CARD9: variants seen among roughly 807,000 people sequenced by gnomAD.
CARD9 encodes caspase recruitment domain family member 9.
Under a neutral mutation model 66.0 loss-of-function variants are expected in CARD9, and 53 were observed. The ratio of observed to expected loss-of-function variants is 0.80; its 90% CI spans 0.64 to 1.01. The LOEUF is 1.01. Ranked by LOEUF, CARD9 falls within the 50% of genes least tolerant of loss-of-function variation. The pLI is 0.00. For missense variants in CARD9, 769 were observed against 743.2 expected (o/e 1.03, Z -0.40); for synonymous variants, 387 against 313.8 (o/e 1.23, Z -2.47).
In CARD9 at chr9:136,372,026, C is replaced by T. The variant is rs372586424; in HGVS notation, c.53G>A (p.Arg18Gln). 2.5e-6 allele frequency: 4 copies of T among 1,612,822 alleles called. No individual in the cohort carries two copies. The highest frequency in any genetic ancestry group is 3.4e-6 in the Non-Finnish European group (4 of 1,179,968). The change falls in exon 2 of 13, where the codon CGG becomes CAG. Residue 18 changes from arginine to glutamine, a missense_variant. Physicochemically the swap from Arg to Gln is conservative, Grantham distance 43 (BLOSUM62 1). Coordinates refer to ENST00000371732, the MANE Select transcript of CARD9 (RefSeq NM_052813.5). ...GTCGATGACCGAGGTGAGCGTCACCCGGAAGCCCTCCAGGACGCTCCAGCA... is the reference window on the plus strand; with the variant it reads ...GTCGATGACCGAGGTGAGCGTCACCTGGAAGCCCTCCAGGACGCTCCAGCA... Reference protein sequence around the residue: ...DECWSVLEGFRVTLTSVIDPS... With the variant: ...DECWSVLEGFQVTLTSVIDPS...
In CARD9 at chr9:136,363,999, A is replaced by T; in HGVS notation, c.*303T>A. 1 of 1,275,602 alleles carries T rather than the reference A, an allele frequency of 7.8e-7. No homozygotes were observed. Among genetic ancestry groups the T allele is most frequent in the Non-Finnish European group, 1.1e-6 (1 of 897,088 alleles). 79.0% of individuals were successfully genotyped at this position (1,275,602 alleles called of 1,614,324 possible). On this transcript the variant is annotated 3_prime_UTR_variant, in exon 13 of 13. Coordinates refer to ENST00000371732, the MANE Select transcript of CARD9 (RefSeq NM_052813.5). ...TTTATTTACGCAGCTGTGTTTTCTA[A>T]CACTAATACAATGCATGCATGTATT...
At chr9:136,370,034 A>G in intron 6 of CARD9, 159 bp from the exon 7 acceptor site, 1 of 1,447,448 alleles carries the variant, frequency 6.9e-7, no homozygotes, top group Non-Finnish European at 9.2e-7. Context: ...CTGCACTTCC[A>G]GACCGCGGCA....
chr9:136,371,264 C>A, intron 3 of CARD9, 60 bp downstream of exon 3: 9 of 1,574,682 alleles, frequency 5.7e-6, no homozygotes, highest in Non-Finnish European at 7.8e-6. Flanking sequence ...GAGGACCCAA[C>A]ACCACTGCCC....
chr9:136,367,873 T>G (rs1356753381), intron 7 of CARD9, 45 bp from the exon 8 acceptor site: 1 of 1,568,218 alleles, frequency 6.4e-7, no homozygotes, highest in Non-Finnish European at 8.6e-7. Flanking sequence ...GGCCCCAAGC[T>G]TGCCCTGGGC....
At chr9:136,371,490 CG>C in intron 2 of CARD9, 29 bp from the exon 3 acceptor site, 1 of 639,116 alleles carries the variant, frequency 1.6e-6, no homozygotes, top group Non-Finnish European at 2.4e-6. Flanking sequence ...TAACTGGGGG[CG>C]GGGCACAGGC....
chr9:136,368,322 T>C (rs1305616764), intron 7 of CARD9, among the ~76,000 whole-genome samples: 7 of 152,174 alleles, frequency 4.6e-5, no homozygotes, highest in Non-Finnish European at 8.8e-5. Flanking sequence ...GCTGGCAGCT[T>C]CCCTAATCCC....
rs761720338 is a variant in CARD9 at position 136,366,821 on chromosome 9, C to T, written c.1336G>A (p.Asp446Asn). Residue 446 changes from aspartate to asparagine, a missense_variant, in exon 10 of 13, where the codon GAC becomes AAC. Transcript: ENST00000371732. Reference sequence around the variant, plus strand: ...TCACCTTTGTCTGAGAGCTGGGTGTCCTCCAGGTCCTGGGGGAGTGAGAGC... The same window carrying T: ...TCACCTTTGTCTGAGAGCTGGGTGTTCTCCAGGTCCTGGGGGAGTGAGAGC... The part of the protein sequence containing the change: ...QELSLPQDLE[D>N]TQLSDKGCLA... 3 of 1,612,958 alleles carry T rather than the reference C, an allele frequency of 1.9e-6. No individual in the cohort carries two copies. Among genetic ancestry groups the T allele is most frequent in the African/African-American group, 1.3e-5 (1 of 74,882 alleles).
At chr9:136,366,955 AC>A in intron 9 of CARD9, 110 bp from the exon 10 acceptor site, 4 of 1,299,204 alleles carry the variant, frequency 3.1e-6, no homozygotes, top group South Asian at 1.2e-5. Flanking sequence ...CATTGCCGTC[AC>A]CCCCTGCACA....
chr9:136,366,723 C>T (rs1043332619), intron 10 of CARD9, 77 bp downstream of exon 10: 30 of 1,502,288 alleles, frequency 2.0e-5, no homozygotes, highest in African/African-American at 2.8e-5. Context: ...CATTGCGGCA[C>T]GGGCTGCCTG....
At chr9:136,373,041 C>T (rs919475786) in intron 1 of CARD9, among the ~76,000 whole-genome samples, 1 of 152,236 alleles carries the variant, frequency 6.6e-6, no homozygotes, top group African/African-American at 2.4e-5. Context: ...AAAGCCACTC[C>T]CTCTGAGACT....
intron 10 of CARD9, 160 bp downstream of exon 10, chr9:136,366,640 C>T (rs1350421270): frequency 3.8e-6 from 3 of 783,236 alleles, no homozygotes; most frequent in Admixed American, 1.9e-5. Flanking sequence ...CTCTAGGTGA[C>T]CTTGACCATT....
chr9:136,367,689 A>AGAG lies in CARD9; in HGVS notation c.1216_1217insCTC (p.Gln405_Leu406insPro). On this transcript the variant is annotated inframe_insertion, in exon 8 of 13. Transcript: ENST00000371732. ...CCTGAGCCTGCCCTCCACGGCCAGT[A>AGAG]GCTGCGCCTCACACTGGAACACCTG... The AGAG allele has an allele frequency of 1.2e-6, 2 of 1,601,410 alleles. No individual in the cohort carries two copies.
chr9:136,368,967 C>T (rs1833191784), intron 7 of CARD9, among the ~76,000 whole-genome samples: 1 of 152,094 alleles, frequency 6.6e-6, no homozygotes, highest in Admixed American at 6.5e-5. Context: ...TTACAGGCGC[C>T]CGGAACCACA....
chr9:136,365,113 G>A (rs374151133), intron 11 of CARD9, 28 bp downstream of exon 11: 47 of 1,609,206 alleles, frequency 2.9e-5, no homozygotes, highest in Non-Finnish European at 3.7e-5. Flanking sequence ...CCCACGGCTG[G>A]GAGGACCCCA....
chr9:136,367,961 C>T, intron 7 of CARD9, 133 bp from the exon 8 acceptor site: 1 of 1,439,920 alleles, frequency 6.9e-7, no homozygotes, highest in Non-Finnish European at 9.1e-7. Context: ...GGTCACAGCC[C>T]CTCCATTTGT....
rs759264924 is a variant in CARD9 at position 136,370,951 on chromosome 9, G to A, written c.517C>T (p.Arg173Cys). ...RLKEECEAGS[R>C]ELKRCKEENY... is the part of the protein sequence containing the mutation. The stretch of plus-strand genomic sequence containing the variant: ...TCCTCCTTGCAGCGCTTGAGCTCGC[G>A]GCTGCCGGCCTCGCACTCCTCCTTG... The change falls in exon 4 of 13, where the codon CGC becomes TGC. Residue 173 changes from arginine (R) to cysteine (C), a missense_variant. Coordinates refer to ENST00000371732, the MANE Select transcript of CARD9 (RefSeq NM_052813.5). 6.3e-5 allele frequency: 102 copies of A among 1,611,442 alleles called. No individual in the cohort carries two copies. The highest frequency in any genetic ancestry group is 8.4e-5 in the Non-Finnish European group (99 of 1,179,484).
chr9:136,366,759 A>C, intron 10 of CARD9, 41 bp downstream of exon 10: 1 of 1,608,600 alleles, frequency 6.2e-7, no homozygotes, highest in Non-Finnish European at 8.5e-7. Context: ...TCACTTGGGG[A>C]AGCTGGGAGG....
At chr9:136,369,067 G>T (rs764978513) in intron 7 of CARD9, among the ~76,000 whole-genome samples, 2 of 152,188 alleles carry the variant, frequency 1.3e-5, no homozygotes, top group Non-Finnish European at 2.9e-5. Flanking sequence ...TGAGCCGCCT[G>T]CCTCGCCCTC....
At chr9:136,371,637 C>T (rs1282035919) in intron 2 of CARD9, among the ~76,000 whole-genome samples, 176 bp from the exon 3 acceptor site, 2 of 152,126 alleles carry the variant, frequency 1.3e-5, no homozygotes, top group African/African-American at 4.8e-5. Flanking sequence ...CCAAGTGCTG[C>T]CCACCCGCCC....
Sources: allele counts gnomAD v4.1 joint callset (sites outside exome capture counted in the v4.1 genomes callset), GRCh38; gene constraint gnomAD v4.1.1; transcripts MANE v1.5; gene names NCBI Gene and HGNC (gene_info 2026-07-23, HGNC 2026-07-21).